Variants in TELO2 observed in about 807,000 individuals in gnomAD.
TELO2 encodes telomere maintenance 2.
Under a neutral mutation model 91.0 loss-of-function variants are expected in TELO2, and 71 were observed. The observed-to-expected ratio is 0.78, with a 90% confidence interval of 0.64 to 0.95. The LOEUF (loss-of-function observed/expected upper bound fraction) is 0.95. Ranked by LOEUF, TELO2 falls within the 40% of genes least tolerant of loss-of-function variation. The probability of loss-of-function intolerance (pLI) is 0.00; values close to 1 mark genes in which losing one functional copy is unlikely to be tolerated. For missense variants in TELO2, 1,183 were observed against 1,141.3 expected (o/e 1.04, Z -0.53); for synonymous variants, 584 against 518.9 (o/e 1.13, Z -1.71).
At position 1,507,616 on chromosome 16, in the gene TELO2, G is replaced by C. The variant is rs773209028; in HGVS notation, c.2307G>C (p.Gly769=). Residue 769 remains glycine, a synonymous_variant, in exon 20 of 21, where the codon GGG becomes GGC. Transcript: ENST00000262319. ...RFHIDAYVRQ[G]LLSAVSSVLL... The stretch of plus-strand genomic sequence containing the variant: ...TTGCCGGCAGCTACGTGCGCCAGGG[G>C]CTGTTGTCGGCCGTCTCCTCCGTCC... 2.5e-6 allele frequency: 4 copies of C among 1,593,598 alleles called. No individual in the cohort carries two copies. Among genetic ancestry groups the C allele is most frequent in the Non-Finnish European group, 3.4e-6 (4 of 1,177,346 alleles).
Position 1,502,928 on chromosome 16 carries a change from C to T in TELO2, c.1771-3C>T. On this transcript the variant is annotated splice_region_variant and splice_polypyrimidine_tract_variant and intron_variant, in intron 14 of 20. Transcript: ENST00000262319. ...CACAGCAGCCTCTCCCCTGTGTCCTCAGGTGGCCGACTATCTGACCTCACA... is the reference window on the plus strand; with the variant it reads ...CACAGCAGCCTCTCCCCTGTGTCCTTAGGTGGCCGACTATCTGACCTCACA... The T allele has an allele frequency of 6.2e-7, 1 of 1,610,856 alleles. No individual in the cohort carries two copies. The highest frequency in any genetic ancestry group is 8.5e-7 in the Non-Finnish European group (1 of 1,179,996).
intron 2 of TELO2, 60 bp from the exon 3 acceptor site, chr16:1,495,286 C>T: frequency 2.0e-6 from 3 of 1,487,110 alleles, no homozygotes; most frequent in East Asian, 2.5e-5. Flanking sequence ...TTCCTTGTGG[C>T]AGGAAGGGGG....
Position 1,500,550 on chromosome 16 carries a change from C to G in TELO2, c.1145-13C>G, listed in dbSNP as rs1218784521. On this transcript the variant is annotated splice_polypyrimidine_tract_variant and intron_variant, in intron 8 of 20. Coordinates refer to ENST00000262319, the MANE Select transcript of TELO2 (RefSeq NM_016111.4). The stretch of plus-strand genomic sequence containing the variant: ...GCCCCGAGGTGCTCAGGGGGCCTGT[C>G]CGGTGCTTGCAGAACTGCTGGCCAG... 2 of 1,611,272 alleles carry G rather than the reference C, an allele frequency of 1.2e-6. No homozygotes were observed. The highest frequency in any genetic ancestry group is 1.7e-6 in the Non-Finnish European group (2 of 1,179,398).
Position 1,502,068 on chromosome 16 carries a change from C to G in TELO2, c.1494C>G (p.Tyr498Ter). Residue 498 changes from tyrosine to a stop codon, truncating the protein, a stop_gained, in exon 12 of 21, where the codon TAC becomes TAG. Transcript: ENST00000262319. LOFTEE classifies it high-confidence loss of function. ...DLDSDDEFVP[Y>*]DMSGDRELKS... ...ACAGCGATGATGAGTTTGTCCCCTA[C>G]GACATGTCGGGGGACAGAGAGCTGA... 3 of 1,613,310 alleles carry G rather than the reference C, an allele frequency of 1.9e-6. No individual in the cohort carries two copies. Among genetic ancestry groups the G allele is most frequent in the Non-Finnish European group, 2.5e-6 (3 of 1,179,974 alleles).
At position 1,497,279 on chromosome 16, in the gene TELO2, A is replaced by G; in HGVS notation, c.683-82A>G. 1 of 1,492,268 alleles carries G rather than the reference A, an allele frequency of 6.7e-7. No individual in the cohort carries two copies. Among genetic ancestry groups the G allele is most frequent in the Non-Finnish European group, 9.0e-7 (1 of 1,113,994 alleles). 92.4% of individuals were successfully genotyped at this position (1,492,268 alleles called of 1,614,324 possible). A position where few individuals can be genotyped will look rare whatever the true frequency, so the allele number is the denominator to read the frequency against. On this transcript the variant is annotated intron_variant, in intron 4 of 20. Transcript: ENST00000262319. The surrounding 1 kb of genome is among the most constrained non-coding windows in gnomAD (Gnocchi z 4.0). ...GCTGTGCTTACTGGGGAGCTGTGGG[A>G]CTGTCCTTGCTGGACCCACACAGCC... is the stretch of plus-strand genomic sequence containing the variant.
chr16:1,498,803 T>A (rs957476045), intron 5 of TELO2, among the ~76,000 whole-genome samples: 1 of 152,200 alleles, frequency 6.6e-6, no homozygotes, highest in Admixed American at 6.5e-5. Context: ...GTGGGGCTCT[T>A]TCTGGAGACC....
rs1336941067 is a variant in TELO2, at chr16:1,493,680, G to A, written c.-37+75G>A. The stretch of plus-strand genomic sequence containing the variant: ...TTGGGCTCCAGGTCTGGTTGGGTCG[G>A]GTCCAGGTCGGGTAGGAGTCCGGTC... On this transcript the variant is annotated intron_variant, in intron 1 of 20. Coordinates refer to ENST00000262319, the MANE Select transcript of TELO2 (RefSeq NM_016111.4). The surrounding 1 kb of genome is among the most constrained non-coding windows in gnomAD (Gnocchi z 4.3). 6.5e-6 allele frequency: 1 copy of A among 154,384 alleles called. No homozygotes were observed. The highest frequency in any genetic ancestry group is 2.4e-5 in the African/African-American group (1 of 41,456). 9.6% of individuals were successfully genotyped at this position (154,384 alleles called of 1,614,324 possible).
rs568450629 is a variant in TELO2, at chr16:1,501,361, G to A, written c.1282-59G>A. 5.0e-5 allele frequency: 79 copies of A among 1,566,212 alleles called. No individual in the cohort carries two copies. In the African/African-American group the frequency reaches 7.3e-4, roughly 14 times the overall value. On this transcript the variant is annotated intron_variant, in intron 9 of 20. Coordinates refer to ENST00000262319, the MANE Select transcript of TELO2 (RefSeq NM_016111.4). ...AGTGGGGAGTGGCTCCCGTGGCTCC[G>A]TCTCGGGGAGGGGCGCTGCAGCCTG... is the stretch of plus-strand genomic sequence containing the variant.
Position 1,505,734 on chromosome 16 carries a change from T to C in TELO2, c.2034+133T>C. ...CTGGGGATGGTGCCTTTGCCGGGAT[T>C]CCTGAAAGGCAGGGTCCATGGTTTG... is the stretch of plus-strand genomic sequence containing the variant. On this transcript the variant is annotated intron_variant, in intron 16 of 20. Coordinates refer to ENST00000262319, the MANE Select transcript of TELO2 (RefSeq NM_016111.4). The surrounding 1 kb of genome is among the most constrained non-coding windows in gnomAD (Gnocchi z 4.3). The C allele has an allele frequency of 8.4e-7, 1 of 1,195,284 alleles. No individual in the cohort carries two copies. Among genetic ancestry groups the C allele is most frequent in the Non-Finnish European group, 1.1e-6 (1 of 870,930 alleles). 74.0% of individuals were successfully genotyped at this position (1,195,284 alleles called of 1,614,324 possible).
At chr16:1,498,370 T>G (rs1392164624) in intron 5 of TELO2, among the ~76,000 whole-genome samples, 2 of 152,170 alleles carry the variant, frequency 1.3e-5, no homozygotes, top group East Asian at 3.8e-4. Context: ...GCATTTGTAT[T>G]CTTTTCTCTG....
intron 14 of TELO2, 32 bp from the exon 15 acceptor site, chr16:1,502,899 G>T: frequency 6.2e-7 from 1 of 1,608,500 alleles, no homozygotes. Flanking sequence ...CTCAGGTCCC[G>T]GACCACAGCA....
Position 1,505,315 on chromosome 16 carries a change from C to A in TELO2, c.1843-95C>A. ...ACACCTTCTCCCAGGCTGGGCGGGC[C>A]CCCGGGCCCGTTTCTGGGGCTTTGG... On this transcript the variant is annotated intron_variant, in intron 15 of 20. Transcript: ENST00000262319. The surrounding 1 kb of genome is among the most constrained non-coding windows in gnomAD (Gnocchi z 4.3). 2.8e-6 allele frequency: 4 copies of A among 1,447,562 alleles called. No homozygotes were observed. In the South Asian group the frequency reaches 4.0e-5, roughly 15 times the overall value. 89.7% of individuals were successfully genotyped at this position (1,447,562 alleles called of 1,614,324 possible).
chr16:1,506,366 A>T, intron 17 of TELO2, 37 bp downstream of exon 17: 1 of 1,613,374 alleles, frequency 6.2e-7, no homozygotes, highest in Non-Finnish European at 8.5e-7. Context: ...GACTTGGGGG[A>T]CAGGGACCCT....
intron 15 of TELO2, among the ~76,000 whole-genome samples, 175 bp downstream of exon 15, chr16:1,503,177 G>A (rs1454261478): frequency 6.6e-6 from 1 of 152,180 alleles, no homozygotes; most frequent in Non-Finnish European, 1.5e-5. Context: ...AGGGCTCCCG[G>A]GGCAGAGAGT....
chr16:1,497,954 T>C lies in TELO2; in HGVS notation c.830+446T>C, dbSNP rs2039552470. On this transcript the variant is annotated intron_variant, in intron 5 of 20. Transcript: ENST00000262319. This position sits in a 1 kb window ranked among gnomAD's most constrained non-coding sequence, Gnocchi z 4.0. The stretch of plus-strand genomic sequence containing the variant: ...TGCCAGCTCACCTGCCTCAGATGTC[T>C]CCCCTCCCTTCAACGTGTGCAAGGA... 6.6e-6 allele frequency among the ~76,000 whole-genome samples: 1 copy of C among 150,754 alleles called. No homozygotes were observed. Among genetic ancestry groups the C allele is most frequent in the Non-Finnish European group, 1.5e-5 (1 of 67,898 alleles).
intron 20 of TELO2, among the ~76,000 whole-genome samples, chr16:1,508,649 G>A (rs2039996985): frequency 1.3e-5 from 2 of 152,200 alleles, no homozygotes; most frequent in African/African-American, 4.8e-5. Flanking sequence ...GTGGGGCTGG[G>A]CTGTGTGCCT....
intron 15 of TELO2, 53 bp downstream of exon 15, chr16:1,503,055 G>T: frequency 6.3e-7 from 1 of 1,595,418 alleles, no homozygotes; most frequent in East Asian, 2.2e-5. Context: ...CTGCCCTAAG[G>T]TGGGGCTGCC....
intron 19 of TELO2, 65 bp from the exon 20 acceptor site, chr16:1,507,536 T>A: frequency 6.6e-7 from 1 of 1,503,788 alleles, no homozygotes; most frequent in Non-Finnish European, 9.0e-7. Context: ...TCTGCCACAC[T>A]GAGGGGAGTG....
intron 19 of TELO2, 32 bp from the exon 20 acceptor site, chr16:1,507,569 G>A (rs1283322525): frequency 6.4e-7 from 1 of 1,551,604 alleles, no homozygotes; most frequent in South Asian, 1.2e-5. Context: ...TGTGGTCCCT[G>A]CCGAGCTCAG....
Sources: allele counts gnomAD v4.1 joint callset (sites outside exome capture counted in the v4.1 genomes callset), GRCh38; gene constraint gnomAD v4.1.1; non-coding constraint Gnocchi (gnomAD v3.1); transcripts MANE v1.5; gene names NCBI Gene and HGNC (gene_info 2026-07-23, HGNC 2026-07-21).